Variants in LATS2 observed in about 807,000 individuals in gnomAD.
LATS2 encodes large tumor suppressor kinase 2.
A neutral mutation model predicts 76.0 loss-of-function variants in LATS2; 24 were observed. That is an observed-to-expected ratio of 0.32 (90% CI 0.23 to 0.44). LATS2 has a LOEUF of 0.44. Among genes scored for constraint, LATS2 ranks in the 20% least tolerant of loss-of-function variants. The pLI, the probability that LATS2 is intolerant of heterozygous loss-of-function variation, is 1.00. For missense variants in LATS2, 1,286 were observed against 1,481.2 expected, an observed-to-expected ratio of 0.87 and a Z score of 2.16; for synonymous variants, 692 against 635.4, an observed-to-expected ratio of 1.09 and a Z score of -1.34.
At chr13:21,042,400 T>C (rs1276773574) in intron 2 of LATS2, among the ~76,000 whole-genome samples, 1 of 152,232 alleles carries the variant, frequency 6.6e-6, no homozygotes, top group African/African-American at 2.4e-5. Flanking sequence ...AATTTTACTT[T>C]AATTAAAAGT....
chr13:21,056,721 TAATA>T (rs1372976587), intron 1 of LATS2, among the ~76,000 whole-genome samples: 1 of 152,198 alleles, frequency 6.6e-6, no homozygotes, highest in Non-Finnish European at 1.5e-5. Context: ...TGGACTGAAG[TAATA>T]AATACTGTGA....
intron 2 of LATS2, among the ~76,000 whole-genome samples, chr13:21,007,695 ATATAGTAT>A (rs1305875506): frequency 0.013 from 13 of 974 alleles, 1 homozygote; most frequent in African/African-American, 0.017. Context: ...ATATATATAT[ATATAGTAT>A]GTATATATAT....
chr13:21,021,085 C>T (rs931777659), intron 2 of LATS2, among the ~76,000 whole-genome samples: 3 of 152,034 alleles, frequency 2.0e-5, no homozygotes, highest in Admixed American at 1.3e-4. Flanking sequence ...CAAGACAGGC[C>T]GTGTGTGGGT....
intron 3 of LATS2, among the ~76,000 whole-genome samples, chr13:20,990,611 CCA>C (rs1307835366): frequency 6.6e-6 from 1 of 152,032 alleles, no homozygotes; most frequent in Non-Finnish European, 1.5e-5. Context: ...CAAAACCAGG[CCA>C]CACAGTGTTG....
chr13:21,028,663 C>T lies in LATS2; in HGVS notation c.342+17022G>A, dbSNP rs191700506. On this transcript the variant is annotated intron_variant, in intron 2 of 7. Coordinates refer to ENST00000382592, the MANE Select transcript of LATS2 (RefSeq NM_014572.3). ...TTGACTCACCGCAACCTCCGCCTCC[C>T]GGGTTCAAGCAATTCTCCTGCCTCA... Among the ~76,000 whole-genome samples the T allele has an allele frequency of 1.4e-3, 214 of 152,252 alleles. 1 individual carries two copies. The Middle Eastern group carries it at 0.027, about 19-fold the overall frequency.
chr13:21,042,438 A>T (rs972496649), intron 2 of LATS2, among the ~76,000 whole-genome samples: 1 of 152,182 alleles, frequency 6.6e-6, no homozygotes, highest in Non-Finnish European at 1.5e-5. Flanking sequence ...GCTTGAACTT[A>T]TAATTCCAGC....
rs61583509 is a variant in LATS2, at chr13:21,050,869, G to T, written c.-204-4639C>A. On this transcript the variant is annotated intron_variant, in intron 1 of 7. Transcript: ENST00000382592. ...GTACAGCACCAACAACTCTCCCTGG[G>T]GAGCTTTCTGGAGCCCTGTGGGCAA... 8.4e-3 allele frequency among the ~76,000 whole-genome samples: 1,282 copies of T among 152,354 alleles called. 25 individuals carry two copies. The highest frequency in any genetic ancestry group is 0.029 in the African/African-American group (1,201 of 41,590).
intron 2 of LATS2, among the ~76,000 whole-genome samples, chr13:21,024,937 A>G (rs1310411139): frequency 6.6e-6 from 1 of 152,192 alleles, no homozygotes; most frequent in African/African-American, 2.4e-5. Context: ...AGCCAGGCCC[A>G]GAGACACGCA....
In LATS2 at chr13:20,991,193, T is replaced by C; in HGVS notation, c.475+79A>G. The C allele has an allele frequency of 1.9e-6, 3 of 1,563,952 alleles. No homozygotes were observed. Among genetic ancestry groups the C allele is most frequent in the Non-Finnish European group, 2.6e-6 (3 of 1,143,342 alleles). On this transcript the variant is annotated intron_variant, in intron 3 of 7. Coordinates refer to ENST00000382592, the MANE Select transcript of LATS2 (RefSeq NM_014572.3). This position sits in a 1 kb window ranked among gnomAD's most constrained non-coding sequence, Gnocchi z 4.9. Reference sequence around the variant, plus strand: ...CTGGCTCTGGCCAGGCCAGGCCAGGTTGGACCCCTCTGCACGTGGTTTTGT... The same window carrying C: ...CTGGCTCTGGCCAGGCCAGGCCAGGCTGGACCCCTCTGCACGTGGTTTTGT...
intron 2 of LATS2, among the ~76,000 whole-genome samples, chr13:21,007,543 T>G (rs1253606441): frequency 8.5e-4 from 11 of 12,944 alleles, no homozygotes; most frequent in African/African-American, 5.4e-3. Flanking sequence ...TATATATATA[T>G]AGTATATATA....
At chr13:20,998,550 T>C (rs1034320374) in intron 2 of LATS2, among the ~76,000 whole-genome samples, 3 of 152,080 alleles carry the variant, frequency 2.0e-5, no homozygotes, top group Admixed American at 6.6e-5. Context: ...GATTTTTTTA[T>C]GAGAACACAG....
rs779707935 is a variant in LATS2 at position 20,979,831 on chromosome 13, G to A, written c.2666-34C>T. ...CAAAGTTCACTCAATCCCTACACAG[G>A]CATGAATTCTCCTCCGAGGTGAATT... On this transcript the variant is annotated intron_variant, in intron 6 of 7. Coordinates refer to ENST00000382592, the MANE Select transcript of LATS2 (RefSeq NM_014572.3). The A allele has an allele frequency of 7.7e-6, 9 of 1,169,050 alleles. 1 individual carries two copies. The highest frequency in any genetic ancestry group is 7.6e-5 in the South Asian group (6 of 78,478). 72.4% of individuals were successfully genotyped at this position (1,169,050 alleles called of 1,614,324 possible).
At chr13:21,017,912 C>T (rs1023388313) in intron 2 of LATS2, 2 of 152,232 alleles carry the variant, frequency 1.3e-5, no homozygotes, top group Admixed American at 6.5e-5. Context: ...AGGCGTGAAC[C>T]AGCATGTCCA....
At position 21,023,761 on chromosome 13, in the gene LATS2, G is replaced by T. The variant is rs536080395; in HGVS notation, c.342+21924C>A. Among the ~76,000 whole-genome samples the T allele has an allele frequency of 1.1e-3, 166 of 150,702 alleles. 1 individual carries two copies. The Middle Eastern group carries it at 0.024, about 22-fold the overall frequency. On this transcript the variant is annotated intron_variant, in intron 2 of 7. Transcript: ENST00000382592. ...GGCTGAGCCGCGTGGATCACCTGAG[G>T]TCGGGAATTCAAGACCAGCCTGACC...
At chr13:21,017,482 T>A (rs1408010636) in intron 2 of LATS2, among the ~76,000 whole-genome samples, 3 of 152,162 alleles carry the variant, frequency 2.0e-5, no homozygotes, top group Non-Finnish European at 4.4e-5. Flanking sequence ...GATGATTCTT[T>A]ACATTGTTAT....
intron 2 of LATS2, among the ~76,000 whole-genome samples, chr13:21,025,506 T>A (rs1334199808): frequency 6.6e-6 from 1 of 152,078 alleles, no homozygotes; most frequent in Admixed American, 6.5e-5. Flanking sequence ...TGTGGAGGGT[T>A]TCTTGAAAGG....
chr13:20,981,362 TGACTGGAAGCATTAGGTCCTTG>T (rs1255940732), intron 6 of LATS2, 82 bp downstream of exon 6: 22 of 1,057,668 alleles, frequency 2.1e-5, no homozygotes, highest in Non-Finnish European at 2.6e-5. Context: ...GACAAAAATA[TGACTGGAAGCATTAGGTCCTTG>T]GAAAGCTAGA....
intron 2 of LATS2, among the ~76,000 whole-genome samples, chr13:20,994,295 T>C (rs1870645025): frequency 6.6e-6 from 1 of 152,238 alleles, no homozygotes; most frequent in African/African-American, 2.4e-5. Context: ...GCCCTTGTTA[T>C]CTGTCCATCA....
In LATS2 at chr13:20,983,736, C is replaced by A; in HGVS notation, c.1970G>T (p.Arg657Met). Residue 657 changes from arginine (R) to methionine (M), a missense_variant, in exon 5 of 8, where the codon AGG becomes ATG. This residue lies in a region of LATS2 where 247 missense variants were observed against 385.4 expected (regional missense o/e 0.64). Coordinates refer to ENST00000382592, the MANE Select transcript of LATS2 (RefSeq NM_014572.3). The part of the protein sequence containing the change: ...ILYQKESNYN[R>M]LKRAKMDKSM... ...CTTGTCCATCTTGGCCCTCTTTAAC[C>A]TGTTGTAATTAGACTCTTTCTGGTA... 1 of 1,614,128 alleles carries A rather than the reference C, an allele frequency of 6.2e-7. No homozygotes were observed. Among genetic ancestry groups the A allele is most frequent in the Non-Finnish European group, 8.5e-7 (1 of 1,180,028 alleles).
Sources: gnomAD v4.1 joint callset for allele counts (sites outside exome capture counted in the v4.1 genomes callset) on GRCh38, gnomAD v4.1.1 for gene constraint, gnomAD v4.1.1 regional missense constraint, Gnocchi (gnomAD v3.1) non-coding constraint, MANE v1.5 for transcripts, NCBI Gene and HGNC (gene_info 2026-07-23, HGNC 2026-07-21) for gene names.